The following CSMD1 variants were observed in gnomAD, a reference collection of about 807,000 sequenced individuals.
CSMD1 encodes the protein CUB and Sushi multiple domains 1.
Under a neutral mutation model 417.5 loss-of-function variants are expected in CSMD1, and 213 were observed. That is an observed-to-expected ratio of 0.51 (90% CI 0.46 to 0.57). The LOEUF (loss-of-function observed/expected upper bound fraction) is 0.57, where lower values mean the gene tolerates loss of function less well. Ranked by LOEUF, CSMD1 falls within the 20% of genes least tolerant of loss-of-function variation. The pLI is 0.00. For missense variants in CSMD1, 6,923 were observed against 4,529.7 expected, an observed-to-expected ratio of 1.53 and a Z score of -15.17; for synonymous variants, 2,862 against 1,736.8, an observed-to-expected ratio of 1.65 and a Z score of -16.11.
At chr8:4,741,835 G>A (rs1378543851) in intron 1 of CSMD1, among the ~76,000 whole-genome samples, 3 of 151,600 alleles carry the variant, frequency 2.0e-5, no homozygotes, top group African/African-American at 4.8e-5. Flanking sequence ...AGGAGTTTGG[G>A]TGTTATCCTT....
rs576010534 is a variant in CSMD1, at chr8:3,352,919, A to G, written c.3305-4758T>C. ...GGTATATAACAAAACAAAAAACACAAAAACACATGGGGGTATATAACAAAA... is the reference window on the plus strand; with the variant it reads ...GGTATATAACAAAACAAAAAACACAGAAACACATGGGGGTATATAACAAAA... On this transcript the variant is annotated intron_variant, in intron 21 of 69. Coordinates refer to ENST00000635120, the MANE Select transcript of CSMD1 (RefSeq NM_033225.6). Among the ~76,000 whole-genome samples, 6 of 152,292 alleles carry G rather than the reference A, an allele frequency of 3.9e-5. No homozygotes were observed. In the South Asian group the frequency reaches 6.2e-4, roughly 16 times the overall value.
chr8:3,874,547 T>A (rs1044106410), intron 5 of CSMD1, among the ~76,000 whole-genome samples: 8 of 152,168 alleles, frequency 5.3e-5, no homozygotes, highest in South Asian at 2.1e-4. Flanking sequence ...ACAAGCAGCA[T>A]CTTAGGGAGA....
At chr8:4,465,082 C>T (rs186823111) in intron 2 of CSMD1, among the ~76,000 whole-genome samples, 24 of 152,150 alleles carry the variant, frequency 1.6e-4, no homozygotes, top group African/African-American at 3.6e-4. Context: ...TTACCTGAAA[C>T]GGAACGGTTT....
At chr8:3,273,937 C>G (rs1400592961) in intron 26 of CSMD1, among the ~76,000 whole-genome samples, 3 of 151,876 alleles carry the variant, frequency 2.0e-5, no homozygotes, top group Non-Finnish European at 2.9e-5. Context: ...TTCAGTTCTA[C>G]TCTGATTTTA....
At chr8:3,094,269 C>G (rs1436812471) in intron 47 of CSMD1, among the ~76,000 whole-genome samples, 1 of 152,000 alleles carries the variant, frequency 6.6e-6, no homozygotes, top group African/African-American at 2.4e-5. Flanking sequence ...CCGCGCCCAG[C>G]TAACTTTTGT....
intron 7 of CSMD1, among the ~76,000 whole-genome samples, chr8:3,619,531 A>T (rs922807737): frequency 6.6e-6 from 1 of 152,174 alleles, no homozygotes; most frequent in African/African-American, 2.4e-5. Context: ...TATAGATATG[A>T]ATTTAAATAA....
At chr8:3,765,028 AC>A (rs1404169505) in intron 5 of CSMD1, among the ~76,000 whole-genome samples, 1 of 151,916 alleles carries the variant, frequency 6.6e-6, no homozygotes, top group Non-Finnish European at 1.5e-5. Flanking sequence ...TACAGGCATG[AC>A]CCACCATTCC....
chr8:4,697,975 A>G (rs1807245857), intron 1 of CSMD1, among the ~76,000 whole-genome samples: 1 of 152,204 alleles, frequency 6.6e-6, no homozygotes. Context: ...AAATGTAAGT[A>G]TTCATTACCA....
At chr8:3,725,433 G>A (rs973835136) in intron 6 of CSMD1, among the ~76,000 whole-genome samples, 4 of 152,168 alleles carry the variant, frequency 2.6e-5, no homozygotes, top group Admixed American at 2.0e-4. Context: ...AGAGATTTGG[G>A]ACCAAAGCTG....
chr8:3,643,076 G>C (rs1008897184), intron 7 of CSMD1, among the ~76,000 whole-genome samples: 2 of 152,068 alleles, frequency 1.3e-5, no homozygotes, highest in African/African-American at 4.8e-5. Flanking sequence ...CGGCACGGGA[G>C]AGGGAGAGAG....
intron 5 of CSMD1, among the ~76,000 whole-genome samples, chr8:3,776,780 C>G (rs1295902200): frequency 1.6e-5 from 2 of 121,504 alleles, no homozygotes; most frequent in African/African-American, 7.7e-5. Flanking sequence ...GATAGATGAG[C>G]AGTGATAGAT....
Position 3,997,554 on chromosome 8 carries a change from G to C in CSMD1, c.818+349C>G, listed in dbSNP as rs572866879. Among the ~76,000 whole-genome samples, 124 of 152,268 alleles carry C rather than the reference G, an allele frequency of 8.1e-4. No individual in the cohort carries two copies. The Middle Eastern group carries it at 0.017, about 21-fold the overall frequency. On this transcript the variant is annotated intron_variant, in intron 5 of 69. Transcript: ENST00000635120. Reference sequence around the variant, plus strand: ...CAATTCTCGCTAACGTGAGATAAAAGAAAATACACAATCTAAAAATCTCTG... The same window carrying C: ...CAATTCTCGCTAACGTGAGATAAAACAAAATACACAATCTAAAAATCTCTG...
In CSMD1 at chr8:4,457,819, C is replaced by T. The variant is rs186605455; in HGVS notation, c.303-37754G>A. On this transcript the variant is annotated intron_variant, in intron 2 of 69. Coordinates refer to ENST00000635120, the MANE Select transcript of CSMD1 (RefSeq NM_033225.6). The stretch of plus-strand genomic sequence containing the variant: ...TAGCTGGCTTCTCACCACCTCAGCA[C>T]CCTTGCAGACAGCTTTGCAGTGACT... Among the ~76,000 whole-genome samples the T allele has an allele frequency of 2.0e-3, 312 of 152,226 alleles. 2 individuals are homozygous for T. Among genetic ancestry groups the T allele is most frequent in the African/African-American group, 7.3e-3 (302 of 41,538 alleles).
chr8:4,148,422 G>T (rs754310420), intron 3 of CSMD1, among the ~76,000 whole-genome samples: 1 of 151,792 alleles, frequency 6.6e-6, no homozygotes, highest in East Asian at 1.9e-4. Context: ...AATGTTAAAT[G>T]ATGAGTTAAT....
chr8:4,326,276 T>G (rs1799558567), intron 3 of CSMD1, among the ~76,000 whole-genome samples: 1 of 152,058 alleles, frequency 6.6e-6, no homozygotes, highest in Admixed American at 6.6e-5. Flanking sequence ...TCACATACGG[T>G]GGGAGACTCA....
intron 50 of CSMD1, among the ~76,000 whole-genome samples, chr8:3,045,713 C>A (rs1811391817): frequency 6.6e-6 from 1 of 152,126 alleles, no homozygotes; most frequent in Admixed American, 6.5e-5. Context: ...TTCCTAGAAG[C>A]AATATATCCT....
intron 8 of CSMD1, among the ~76,000 whole-genome samples, chr8:3,611,421 C>T (rs2117138476): frequency 6.6e-6 from 1 of 152,134 alleles, no homozygotes; most frequent in South Asian, 2.1e-4. Flanking sequence ...GCTTGCTTTT[C>T]TACTGAACTC....
chr8:4,115,964 TTTTATTTATTTATTTATTTATTTATTTA>T (rs35791469), intron 3 of CSMD1, among the ~76,000 whole-genome samples: 5 of 134,286 alleles, frequency 3.7e-5, no homozygotes, highest in African/African-American at 1.1e-4. Flanking sequence ...GTTTTCATTA[TTTTATTTATTTATTTATTTATTTATTTA>T]TTTATTTATT....
intron 20 of CSMD1, among the ~76,000 whole-genome samples, chr8:3,362,037 G>A (rs13268772): frequency 6.6e-6 from 1 of 151,940 alleles, no homozygotes; most frequent in African/African-American, 2.4e-5. Context: ...TCTCACCAAC[G>A]CAAAGATTTT....
Sources: allele counts gnomAD v4.1 joint callset (sites outside exome capture counted in the v4.1 genomes callset), GRCh38; gene constraint gnomAD v4.1.1; transcripts MANE v1.5; gene names NCBI Gene and HGNC (gene_info 2026-07-23, HGNC 2026-07-21).